Variants in IGFL2 observed in about 807,000 individuals in gnomAD.
IGFL2 encodes the protein IGF like family member 2.
Under a neutral mutation model 13.9 loss-of-function variants are expected in IGFL2, and 7 were observed. That is an observed-to-expected ratio of 0.51 (90% CI 0.29 to 0.95). The LOEUF (loss-of-function observed/expected upper bound fraction) is 0.95, where lower values mean the gene tolerates loss of function less well. IGFL2 is among the 40% of genes least tolerant of loss of function. IGFL2 has a pLI of 0.08. For synonymous variants in IGFL2, 55 were observed against 55.8 expected (o/e 0.99, Z 0.07); for missense variants, 138 against 147.8 (o/e 0.93, Z 0.34).
At chr19:46,137,123 G>A in the IGFL2 span, 2 of 1,609,096 alleles carry the variant, frequency 1.2e-6, no homozygotes, top group Non-Finnish European at 1.7e-6. Flanking sequence ...GTTTGGCCCA[G>A]ATGTACAGGA....
the IGFL2 span, chr19:46,214,237 C>T: frequency 6.6e-6 from 1 of 152,254 alleles, no homozygotes; most frequent in Admixed American, 6.5e-5. Flanking sequence ...GTTCAACAAG[C>T]CCAGAGTCGG....
At chr19:46,094,575 T>G in the IGFL2 span, among the ~76,000 whole-genome samples, 1 of 152,124 alleles carries the variant, frequency 6.6e-6, no homozygotes, top group African/African-American at 2.4e-5. Flanking sequence ...CATGCAGGTT[T>G]GTCACACAGG....
the IGFL2 span, among the ~76,000 whole-genome samples, chr19:46,175,910 T>C: frequency 2.7e-5 from 4 of 146,628 alleles, no homozygotes; most frequent in African/African-American, 1.0e-4. Flanking sequence ...TGGCACAATC[T>C]CGGCTCACTG....
the IGFL2 span, among the ~76,000 whole-genome samples, chr19:46,126,020 A>G: frequency 1.3e-5 from 2 of 152,182 alleles, no homozygotes; most frequent in African/African-American, 2.4e-5. Context: ...TGCATTTTAT[A>G]ATGATAATCA....
At chr19:46,188,851 C>G in the IGFL2 span, among the ~76,000 whole-genome samples, 2 of 152,350 alleles carry the variant, frequency 1.3e-5, no homozygotes, top group East Asian at 3.9e-4. Flanking sequence ...GACAGAGCCC[C>G]CATTCATCCT....
At chr19:46,183,270 C>T in the IGFL2 span, among the ~76,000 whole-genome samples, 6 of 152,192 alleles carry the variant, frequency 3.9e-5, no homozygotes, top group African/African-American at 1.2e-4. Flanking sequence ...ATCCAATCAC[C>T]TCCCACCAGG....
Position 46,148,751 on chromosome 19 carries a change from G to A in IGFL2, c.19+454G>A, listed in dbSNP as rs558419290. ...GAGTGGAGGGAGAAGAAAGGAGGGA[G>A]GATTATAGCACTGTGGATAGGGTTG... On this transcript the variant is annotated intron_variant, in intron 1 of 3. Transcript: ENST00000377693. 9.7e-5 allele frequency: 87 copies of A among 899,494 alleles called. No individual in the cohort carries two copies. In the African/African-American group the frequency reaches 1.1e-3, roughly 12 times the overall value. The allele number at this position is 899,494 out of a possible 1,614,324, so 55.7% of individuals were successfully genotyped here.
the IGFL2 span, among the ~76,000 whole-genome samples, chr19:46,191,544 G>A: frequency 6.6e-6 from 1 of 152,130 alleles, no homozygotes; most frequent in African/African-American, 2.4e-5. Flanking sequence ...GAGCTCTGAG[G>A]TGTGTCTTTA....
the IGFL2 span, chr19:46,203,016 T>G: frequency 1.3e-5 from 2 of 152,144 alleles, no homozygotes; most frequent in African/African-American, 4.8e-5. Context: ...CCAACAGGCT[T>G]TGTGTGAGCA....
At chr19:46,187,092 G>T in the IGFL2 span, among the ~76,000 whole-genome samples, 1 of 152,268 alleles carries the variant, frequency 6.6e-6, no homozygotes, top group South Asian at 2.1e-4. Flanking sequence ...AAAGATGTCA[G>T]ACCTGCTGGT....
At chr19:46,120,453 CA>C in the IGFL2 span, 1 of 1,547,946 alleles carries the variant, frequency 6.5e-7, no homozygotes, top group Non-Finnish European at 8.8e-7. Context: ...TTGACTTTAA[CA>C]GACTTGACTG....
chr19:46,152,298 A>G (rs1401200078), intron 1 of IGFL2, among the ~76,000 whole-genome samples: 1 of 143,864 alleles, frequency 7.0e-6, no homozygotes, highest in African/African-American at 2.6e-5. Flanking sequence ...CTTTTTTGAG[A>G]CAGAATCTCA....
chr19:46,155,219 C>CT (rs1332545884), intron 1 of IGFL2, among the ~76,000 whole-genome samples: 2 of 152,190 alleles, frequency 1.3e-5, no homozygotes, highest in Non-Finnish European at 2.9e-5. Flanking sequence ...CAATTTCTAA[C>CT]TAATATAGCA....
chr19:46,155,761 T>C (rs1015186022), intron 1 of IGFL2, among the ~76,000 whole-genome samples: 2 of 152,184 alleles, frequency 1.3e-5, no homozygotes, highest in Non-Finnish European at 2.9e-5. Context: ...CCTGGTGAGT[T>C]GTAGTGGTAC....
At chr19:46,174,345 G>C in the IGFL2 span, among the ~76,000 whole-genome samples, 1 of 152,144 alleles carries the variant, frequency 6.6e-6, no homozygotes. Context: ...ACCCGCCCTT[G>C]TGGCTGGCTC....
chr19:46,137,529 G>A, the IGFL2 span: 1 of 1,080,900 alleles, frequency 9.3e-7, no homozygotes, highest in South Asian at 1.2e-5. Flanking sequence ...GATGAAGGAA[G>A]GTCCAAGGGA....
chr19:46,210,836 ACACT>A, the IGFL2 span, among the ~76,000 whole-genome samples: 2 of 152,192 alleles, frequency 1.3e-5, no homozygotes, highest in African/African-American at 4.8e-5. Context: ...AATCAAGTTG[ACACT>A]CAGTACTAAC....
chr19:46,157,605 G>GA lies in IGFL2; in HGVS notation c.20-2805dup, dbSNP rs1221289053. 2.0e-5 allele frequency among the ~76,000 whole-genome samples: 3 copies of GA among 152,032 alleles called. No individual in the cohort carries two copies. In the East Asian group the frequency reaches 5.8e-4, roughly 29 times the overall value. On this transcript the variant is annotated intron_variant, in intron 1 of 3. Transcript: ENST00000377693. ...CCATTCGTGATTTTAAAAACTCCCAGAAAAACAGGAATAGGGGGAATTTCC... is the reference window on the plus strand; with the variant it reads ...CCATTCGTGATTTTAAAAACTCCCAGAAAAAACAGGAATAGGGGGAATTTCC...
At chr19:46,079,952 C>T in the IGFL2 span, among the ~76,000 whole-genome samples, 1 of 152,026 alleles carries the variant, frequency 6.6e-6, no homozygotes, top group African/African-American at 2.4e-5. Context: ...ACAGTAGATT[C>T]AGAAACTAAG....
Sources: gnomAD v4.1 joint callset for allele counts (sites outside exome capture counted in the v4.1 genomes callset) on GRCh38, gnomAD v4.1.1 for gene constraint, MANE v1.5 for transcripts, NCBI Gene and HGNC (gene_info 2026-07-23, HGNC 2026-07-21) for gene names.